Variants in ARSB observed in about 807,000 individuals in gnomAD.
The protein encoded by ARSB is arylsulfatase B.
In ARSB, 41 loss-of-function variants were observed where a neutral mutation model predicts 50.9. The ratio of observed to expected loss-of-function variants is 0.81; its 90% CI spans 0.63 to 1.04. The LOEUF (loss-of-function observed/expected upper bound fraction) is 1.04, where lower values mean the gene tolerates loss of function less well. Ranked by LOEUF, ARSB falls within the 50% of genes least tolerant of loss-of-function variation. The pLI, the probability that ARSB is intolerant of heterozygous loss-of-function variation, is 0.00. For synonymous variants in ARSB, 269 were observed against 284.8 expected, an observed-to-expected ratio of 0.94 and a Z score of 0.56; for missense variants, 672 against 693.3, an observed-to-expected ratio of 0.97 and a Z score of 0.35.
At chr5:78,820,322 T>C (rs1345603018) in intron 6 of ARSB, among the ~76,000 whole-genome samples, 1 of 152,214 alleles carries the variant, frequency 6.6e-6, no homozygotes, top group Non-Finnish European at 1.5e-5. Flanking sequence ...ACAAGGTTGA[T>C]TGCAGTTGGG....
At chr5:78,898,382 C>CA (rs1406619030) in intron 4 of ARSB, among the ~76,000 whole-genome samples, 1 of 152,038 alleles carries the variant, frequency 6.6e-6, no homozygotes, top group Non-Finnish European at 1.5e-5. Context: ...CAAACTCTTT[C>CA]AAAAAATAGA....
Position 78,955,337 on chromosome 5 carries a change from T to C in ARSB, c.856A>G (p.Ser286Gly). 1 of 1,614,226 alleles carries C rather than the reference T, an allele frequency of 6.2e-7. No individual in the cohort carries two copies. The highest frequency in any genetic ancestry group is 8.5e-7 in the Non-Finnish European group (1 of 1,180,038). ...AVGNVTAALK[S>G]SGLWNNTVFI... ...ACCGTGTTGTTCCAGAGCCCACTGC[T>C]TTTTAAAGCTGCAGTGACATTTCCT... Residue 286 changes from serine to glycine, a missense_variant, in exon 4 of 8, where the codon AGC becomes GGC. Coordinates refer to ENST00000264914, the MANE Select transcript of ARSB (RefSeq NM_000046.5).
chr5:78,821,793 TTC>T (rs1431239543), intron 6 of ARSB, among the ~76,000 whole-genome samples: 2 of 152,228 alleles, frequency 1.3e-5, no homozygotes, highest in African/African-American at 4.8e-5. Context: ...GAATTCCTCT[TTC>T]TGTTTTTCTA....
intron 4 of ARSB, among the ~76,000 whole-genome samples, chr5:78,940,278 T>A (rs542992594): frequency 6.6e-6 from 1 of 152,098 alleles, no homozygotes. Flanking sequence ...AGAAGCTCTT[T>A]AGTTTAATTA....
At chr5:78,796,483 A>T (rs561283841) in intron 6 of ARSB, among the ~76,000 whole-genome samples, 1 of 152,358 alleles carries the variant, frequency 6.6e-6, no homozygotes, top group South Asian at 2.1e-4. Flanking sequence ...AGAAAGAGTG[A>T]CAAATATGAT....
chr5:78,803,846 T>C (rs1420461506), intron 6 of ARSB, among the ~76,000 whole-genome samples: 1 of 152,272 alleles, frequency 6.6e-6, no homozygotes, highest in Non-Finnish European at 1.5e-5. Flanking sequence ...GAACTGGTTT[T>C]ATCCCATTTG....
chr5:78,956,194 A>AT (rs1411424968), intron 3 of ARSB, among the ~76,000 whole-genome samples: 1 of 152,252 alleles, frequency 6.6e-6, no homozygotes, highest in African/African-American at 2.4e-5. Context: ...AATAAATGAA[A>AT]TAAAGTATTG....
chr5:78,922,309 G>C (rs566494876), intron 4 of ARSB, among the ~76,000 whole-genome samples: 2 of 152,180 alleles, frequency 1.3e-5, no homozygotes, highest in African/African-American at 4.8e-5. Context: ...TCAAGAAGAG[G>C]AGAGGGATGA....
rs141957811 is a variant in ARSB at position 78,785,666 on chromosome 5, T to C, written c.1214-3692A>G. 8.9e-4 allele frequency among the ~76,000 whole-genome samples: 136 copies of C among 152,332 alleles called. 1 individual carries two copies. The East Asian group carries it at 0.021, about 23-fold the overall frequency. On this transcript the variant is annotated intron_variant, in intron 6 of 7. Transcript: ENST00000264914. ...GACTCTTATGCAATAGAAAGAAGTA[T>C]AAAACAGGGTATGATAGGCAGGATA...
intron 5 of ARSB, among the ~76,000 whole-genome samples, chr5:78,853,225 T>C (rs1043609750): frequency 6.6e-6 from 1 of 152,242 alleles, no homozygotes; most frequent in African/African-American, 2.4e-5. Context: ...GATGTACAGA[T>C]GGGTTTTTGG....
intron 4 of ARSB, among the ~76,000 whole-genome samples, chr5:78,886,882 G>A (rs1748062749): frequency 6.6e-6 from 1 of 152,130 alleles, no homozygotes; most frequent in African/African-American, 2.4e-5. Context: ...ATCTATCAAA[G>A]CTACAAGATG....
chr5:78,879,549 G>A (rs945326586), intron 5 of ARSB, among the ~76,000 whole-genome samples: 11 of 152,150 alleles, frequency 7.2e-5, no homozygotes, highest in Admixed American at 3.9e-4. Context: ...TTTTTCATCC[G>A]TTACTGGCAT....
chr5:78,844,619 C>T (rs1277559547), intron 5 of ARSB, among the ~76,000 whole-genome samples: 1 of 152,094 alleles, frequency 6.6e-6, no homozygotes, highest in East Asian at 1.9e-4. Context: ...GATCACAAAG[C>T]TTTACTCCTG....
At chr5:78,849,249 G>A (rs1449829481) in intron 5 of ARSB, among the ~76,000 whole-genome samples, 1 of 152,092 alleles carries the variant, frequency 6.6e-6, no homozygotes, top group Non-Finnish European at 1.5e-5. Context: ...TGTATAAGGT[G>A]TAAGGAAGGG....
intron 5 of ARSB, among the ~76,000 whole-genome samples, chr5:78,873,627 C>G (rs1034364269): frequency 6.7e-6 from 1 of 148,526 alleles, no homozygotes; most frequent in African/African-American, 2.5e-5. Flanking sequence ...TCCCAAGGAG[C>G]TGGGACTACA....
At chr5:78,859,637 C>T (rs981816676) in intron 5 of ARSB, among the ~76,000 whole-genome samples, 1 of 152,074 alleles carries the variant, frequency 6.6e-6, no homozygotes, top group African/African-American at 2.4e-5. Flanking sequence ...AGAATCAAAA[C>T]ATGATCCCAA....
chr5:78,834,644 T>A (rs990641100), intron 6 of ARSB, among the ~76,000 whole-genome samples: 1 of 138,616 alleles, frequency 7.2e-6, no homozygotes, highest in East Asian at 2.0e-4. Flanking sequence ...TATATATATA[T>A]ATGCCACATT....
chr5:78,792,310 T>G (rs1742980068), intron 6 of ARSB, among the ~76,000 whole-genome samples: 1 of 144,542 alleles, frequency 6.9e-6, no homozygotes, highest in Admixed American at 7.1e-5. Context: ...ACCCAGGAGG[T>G]GGAGGTTGCA....
chr5:78,849,552 C>T (rs76054869), intron 5 of ARSB, among the ~76,000 whole-genome samples: 33,642 of 150,650 alleles, frequency 0.22, 4,041 homozygotes, highest in Admixed American at 0.3. Context: ...AATGTGGGCT[C>T]TTTTTTGGTT....
Sources: allele counts gnomAD v4.1 joint callset (sites outside exome capture counted in the v4.1 genomes callset), GRCh38; gene constraint gnomAD v4.1.1; transcripts MANE v1.5; gene names NCBI Gene and HGNC (gene_info 2026-07-23, HGNC 2026-07-21).